The following TNS4 variants were observed in gnomAD, a reference collection of about 807,000 sequenced individuals.
TNS4 encodes tensin 4, also known as tensin-4.
Under a neutral mutation model 70.4 loss-of-function variants are expected in TNS4, and 46 were observed. That is an observed-to-expected ratio of 0.65 (90% CI 0.52 to 0.84). The LOEUF (loss-of-function observed/expected upper bound fraction) is 0.84. TNS4 is among the 40% of genes least tolerant of loss of function. The pLI, the probability that TNS4 is intolerant of heterozygous loss-of-function variation, is 0.00. For missense variants in TNS4, 863 were observed against 907.0 expected, an observed-to-expected ratio of 0.95 and a Z score of 0.62; for synonymous variants, 390 against 366.6, an observed-to-expected ratio of 1.06 and a Z score of -0.73.
In TNS4 at chr17:40,477,634, A is replaced by G; in HGVS notation, c.2102T>C (p.Val701Ala). Reference protein sequence around the residue: ...EYDMVQPASQVIGLVTALLQD... With the variant: ...EYDMVQPASQAIGLVTALLQD... ...CAGCAGAGCAGTCACCAGGCCGATG[A>G]CCTGCGAGGCTGGCTGGACCATGTC... Residue 701 changes from valine to alanine, a missense_variant, in exon 13 of 13, where the codon GTC (valine) becomes GCC (alanine). Coordinates refer to ENST00000254051, the MANE Select transcript of TNS4 (RefSeq NM_032865.6). The G allele has an allele frequency of 6.2e-7, 1 of 1,614,028 alleles. No homozygotes were observed.
chr17:40,488,787 C>T lies in TNS4; in HGVS notation c.622G>A (p.Gly208Ser), dbSNP rs779945011. 3 of 1,612,372 alleles carry T rather than the reference C, an allele frequency of 1.9e-6. No individual in the cohort carries two copies. The change falls in exon 3 of 13, where the codon GGC (glycine) becomes AGC (serine). Residue 208 changes from glycine to serine, a missense_variant. Physicochemically the swap from Gly to Ser is moderately conservative, Grantham distance 56. Transcript: ENST00000254051. The stretch of plus-strand genomic sequence containing the variant: ...GGCAGAGGGCGCTGGTGCCCCCTGC[C>T]CTGGTTCCCAGAGAAGATGAGGCTC... ...SESLIFSGNQ[G>S]RGHQRPLPPS...
In TNS4 at chr17:40,482,595, C is replaced by CAT. The variant is rs2035939570; in HGVS notation, c.1502-180_1502-179insAT. Among the ~76,000 whole-genome samples, 3 of 151,360 alleles carry CAT rather than the reference C, an allele frequency of 2.0e-5. No homozygotes were observed. The South Asian group carries it at 6.3e-4, about 32-fold the overall frequency. On this transcript the variant is annotated intron_variant, in intron 6 of 12. Coordinates refer to ENST00000254051, the MANE Select transcript of TNS4 (RefSeq NM_032865.6). The stretch of plus-strand genomic sequence containing the variant: ...CCTATCTCTACTAAAGACACACACA[C>CAT]ACACACACACACACACACACACAGT...
intron 2 of TNS4, among the ~76,000 whole-genome samples, chr17:40,492,536 T>G (rs759354019): frequency 6.6e-6 from 1 of 152,056 alleles, no homozygotes; most frequent in Non-Finnish European, 1.5e-5. Flanking sequence ...CCCAACTAAT[T>G]TTTGTATTTT....
intron 9 of TNS4, among the ~76,000 whole-genome samples, chr17:40,480,329 G>T (rs1016736949): frequency 2.6e-5 from 4 of 152,110 alleles, no homozygotes; most frequent in Non-Finnish European, 5.9e-5. Flanking sequence ...CCCTGGTGAA[G>T]GCTCCAGGAC....
intron 1 of TNS4, among the ~76,000 whole-genome samples, chr17:40,499,706 C>T (rs906284219): frequency 6.6e-6 from 1 of 152,240 alleles, no homozygotes; most frequent in African/African-American, 2.4e-5. Context: ...CTCTGCGCTC[C>T]CGCCCTCCCG....
chr17:40,478,781 C>T (rs1189591049), intron 10 of TNS4, 133 bp from the exon 11 acceptor site: 19 of 960,180 alleles, frequency 2.0e-5, no homozygotes, highest in Middle Eastern at 2.2e-4. Flanking sequence ...CCTTGAAGAC[C>T]GCTATGGCCT....
intron 4 of TNS4, among the ~76,000 whole-genome samples, chr17:40,485,759 C>G (rs1392093960): frequency 6.6e-6 from 1 of 152,148 alleles, no homozygotes; most frequent in Non-Finnish European, 1.5e-5. Flanking sequence ...TTCCCTGGGT[C>G]CCTAAGGCAG....
At chr17:40,478,503 C>T (rs2143774953) in intron 11 of TNS4, 77 bp downstream of exon 11, 1 of 1,588,134 alleles carries the variant, frequency 6.3e-7, no homozygotes, top group Admixed American at 1.7e-5. Context: ...GGATCCCAGG[C>T]CCAGAGTCGG....
chr17:40,486,937 T>G, intron 4 of TNS4, 99 bp downstream of exon 4: 1 of 1,452,860 alleles, frequency 6.9e-7, no homozygotes, highest in Non-Finnish European at 9.5e-7. Flanking sequence ...CACACAATAG[T>G]TGCTCAATAA....
intron 9 of TNS4, among the ~76,000 whole-genome samples, chr17:40,480,422 G>T (rs187974946): frequency 3.9e-5 from 6 of 152,124 alleles, no homozygotes; most frequent in African/African-American, 1.2e-4. Context: ...ACCCTAGCAC[G>T]TGTGCACATG....
chr17:40,500,182 T>G (rs1389652913), intron 1 of TNS4, among the ~76,000 whole-genome samples: 1 of 152,222 alleles, frequency 6.6e-6, no homozygotes, highest in Non-Finnish European at 1.5e-5. Flanking sequence ...TAGCCTCTGC[T>G]GCTGCTTCAC....
chr17:40,490,795 C>G (rs1433044340), intron 2 of TNS4, among the ~76,000 whole-genome samples: 3 of 152,226 alleles, frequency 2.0e-5, no homozygotes, highest in East Asian at 3.9e-4. Flanking sequence ...CATTGTGCAA[C>G]TTTCCTAACC....
chr17:40,481,221 C>T (rs1008416283), intron 8 of TNS4, among the ~76,000 whole-genome samples: 1 of 152,228 alleles, frequency 6.6e-6, no homozygotes, highest in Non-Finnish European at 1.5e-5. Flanking sequence ...GAGCTGCCCC[C>T]CTACCTGGCT....
chr17:40,500,163 C>G (rs1046062953), intron 1 of TNS4, among the ~76,000 whole-genome samples: 1 of 152,188 alleles, frequency 6.6e-6, no homozygotes, highest in Non-Finnish European at 1.5e-5. Context: ...CTCCACGGTC[C>G]CACACTTTTA....
chr17:40,488,288 A>G (rs902375937), intron 3 of TNS4, among the ~76,000 whole-genome samples: 1 of 152,228 alleles, frequency 6.6e-6, no homozygotes, highest in Non-Finnish European at 1.5e-5. Context: ...TGGAAAGGAT[A>G]TAGATGAGCC....
rs1484173152 is a variant in TNS4, at chr17:40,496,251, A to G, written c.175T>C (p.Cys59Arg). The stretch of plus-strand genomic sequence containing the variant: ...TGGAGTCGGCCAGGGGGCCCCATGC[A>G]GGGCACGGGGGCCATCAGGGCCTGG... ...GAQALMAPVPCMGPPGRLQQA... is the reference protein window; with the variant it reads ...GAQALMAPVPRMGPPGRLQQA... The change falls in exon 2 of 13, where the codon TGC becomes CGC. Residue 59 changes from cysteine (C) to arginine (R), a missense_variant. Physicochemically the swap from Cys to Arg is radical, Grantham distance 180. Transcript: ENST00000254051. The G allele has an allele frequency of 1.3e-6, 2 of 1,596,242 alleles. No homozygotes were observed. Among genetic ancestry groups the G allele is most frequent in the Non-Finnish European group, 1.7e-6 (2 of 1,171,952 alleles).
chr17:40,497,565 T>A (rs2036161210), intron 1 of TNS4, among the ~76,000 whole-genome samples: 1 of 152,202 alleles, frequency 6.6e-6, no homozygotes, highest in Non-Finnish European at 1.5e-5. Flanking sequence ...ATCGAGCCAA[T>A]GCACTGCAGC....
At position 40,477,863 on chromosome 17, in the gene TNS4, C is replaced by T. The variant is rs189317646; in HGVS notation, c.2007-134G>A. 1.7e-3 allele frequency: 1,377 copies of T among 794,124 alleles called. 13 individuals are homozygous for T. The highest frequency in any genetic ancestry group is 4.1e-4 in the Non-Finnish European group (201 of 492,050). 49.2% of individuals were successfully genotyped at this position (794,124 alleles called of 1,614,324 possible). ...CTCCCTTAGCCAATTGACTCCAGCA[C>T]CTCCTTATGGTGGGGCTCCCTGGGG... On this transcript the variant is annotated intron_variant, in intron 12 of 12. Coordinates refer to ENST00000254051, the MANE Select transcript of TNS4 (RefSeq NM_032865.6).
chr17:40,478,220 G>A, intron 12 of TNS4, 87 bp downstream of exon 12: 1 of 1,553,720 alleles, frequency 6.4e-7, no homozygotes, highest in African/African-American at 1.4e-5. Context: ...TCAACACTTT[G>A]GACTATTAAA....
Sources: gnomAD v4.1 joint callset for allele counts (sites outside exome capture counted in the v4.1 genomes callset) on GRCh38, gnomAD v4.1.1 for gene constraint, MANE v1.5 for transcripts, NCBI Gene and HGNC (gene_info 2026-07-23, HGNC 2026-07-21) for gene names.